Variants in EPHA8 observed in about 807,000 individuals in gnomAD.
EPHA8 encodes ephrin type-A receptor 8.
Under a neutral mutation model 103.6 loss-of-function variants are expected in EPHA8, and 58 were observed. The observed-to-expected ratio is 0.56, with a 90% CI of 0.45 to 0.70. The LOEUF (loss-of-function observed/expected upper bound fraction) is 0.70. EPHA8 is among the 30% of genes least tolerant of loss of function. The pLI, the probability that EPHA8 is intolerant of heterozygous loss-of-function variation, is 0.00. For synonymous variants in EPHA8, 559 were observed against 572.5 expected (o/e 0.98, Z 0.34); for missense variants, 1,304 against 1,395.2 (o/e 0.93, Z 1.04).
chr1:22,598,954 C>T lies in EPHA8; in HGVS notation c.2295C>T (p.Asn765=), dbSNP rs1360785330. Residue 765 remains asparagine, a synonymous_variant, in exon 13 of 17, where the codon AAC becomes AAT. Transcript: ENST00000166244. This position sits in a 1 kb window ranked among gnomAD's most constrained non-coding sequence, Gnocchi z 5.1. ...TCCACCGAGACCTGGCCGCCCGCAA[C>T]GTCCTGGTTGACAGCAACCTGGTCT... ...GYVHRDLAAR[N]VLVDSNLVCK... is the part of the protein sequence containing the mutation. 28 of 1,612,400 alleles carry T rather than the reference C, an allele frequency of 1.7e-5. No individual in the cohort carries two copies. Among genetic ancestry groups the T allele is most frequent in the South Asian group, 1.1e-4 (10 of 90,822 alleles).
intron 5 of EPHA8, among the ~76,000 whole-genome samples, chr1:22,590,116 C>T (rs1285076300): frequency 2.0e-5 from 3 of 152,180 alleles, no homozygotes; most frequent in Non-Finnish European, 2.9e-5. Context: ...TTCCCTCATT[C>T]GACAGCCCTC....
intron 4 of EPHA8, among the ~76,000 whole-genome samples, chr1:22,587,260 A>G (rs746569535): frequency 3.9e-5 from 6 of 152,240 alleles, no homozygotes; most frequent in Admixed American, 1.3e-4. Flanking sequence ...TTGAGCTCAC[A>G]TATATAAAGG....
chr1:22,575,347 G>A (rs949900697), intron 2 of EPHA8, among the ~76,000 whole-genome samples: 1 of 152,198 alleles, frequency 6.6e-6, no homozygotes, highest in Non-Finnish European at 1.5e-5. Flanking sequence ...TAGTGATGCT[G>A]AGCATCTTTT....
At chr1:22,600,637 T>C (rs772808606) in intron 13 of EPHA8, 24 bp from the exon 14 acceptor site, 2 of 1,611,048 alleles carry the variant, frequency 1.2e-6, no homozygotes, top group South Asian at 2.2e-5. Context: ...GGGCAGCCCC[T>C]CAACTCTTGT....
intron 3 of EPHA8, among the ~76,000 whole-genome samples, chr1:22,579,011 G>C (rs1336116968): frequency 6.8e-6 from 1 of 145,988 alleles, no homozygotes; most frequent in Non-Finnish European, 1.5e-5. Context: ...ATGCATGTGT[G>C]TGCATATGTG....
rs1023667839 is a variant in EPHA8, at chr1:22,576,078, C to G, written c.160-139C>G. On this transcript the variant is annotated intron_variant, in intron 2 of 16. Transcript: ENST00000166244. This position sits in a 1 kb window ranked among gnomAD's most constrained non-coding sequence, Gnocchi z 4.8. ...CTTCGAGATCATGTCTGCAGGGGGC[C>G]TGGCATCTAGTAGCCACCAGGAGGC... 1 of 927,350 alleles carries G rather than the reference C, an allele frequency of 1.1e-6. No homozygotes were observed. The highest frequency in any genetic ancestry group is 1.6e-6 in the Non-Finnish European group (1 of 606,554). The allele number at this position is 927,350 out of a possible 1,614,324, so 57.4% of individuals were successfully genotyped here.
At chr1:22,578,116 G>C (rs528786897) in intron 3 of EPHA8, among the ~76,000 whole-genome samples, 2,390 of 71,306 alleles carry the variant, frequency 0.034, 23 homozygotes, top group Middle Eastern at 0.12. Context: ...GCATGTGTGC[G>C]TGAGTGTATG....
intron 4 of EPHA8, among the ~76,000 whole-genome samples, chr1:22,588,401 C>G (rs956786798): frequency 3.3e-5 from 5 of 152,222 alleles, no homozygotes; most frequent in African/African-American, 7.2e-5. Flanking sequence ...CATGGGGATA[C>G]ACGGTGGGCT....
At chr1:22,595,667 T>A (rs1327221056) in intron 8 of EPHA8, among the ~76,000 whole-genome samples, 1 of 152,156 alleles carries the variant, frequency 6.6e-6, no homozygotes, top group East Asian at 1.9e-4. Context: ...GACAGGATAG[T>A]GTGTGGGCTT....
chr1:22,600,657 G>T lies in EPHA8; in HGVS notation c.2389-4G>T, dbSNP rs376097371. The T allele has an allele frequency of 1.2e-6, 2 of 1,612,766 alleles. No individual in the cohort carries two copies. The highest frequency in any genetic ancestry group is 1.3e-5 in the African/African-American group (1 of 74,870). On this transcript the variant is annotated splice_region_variant and splice_polypyrimidine_tract_variant and intron_variant, in intron 13 of 16. Coordinates refer to ENST00000166244, the MANE Select transcript of EPHA8 (RefSeq NM_020526.5). ...GCCCCTCAACTCTTGTGTGTCCGTCGCAGGGCGGGAAGATCCCCATCCGCT... is the reference window on the plus strand; with the variant it reads ...GCCCCTCAACTCTTGTGTGTCCGTCTCAGGGCGGGAAGATCCCCATCCGCT...
rs568111542 is a variant in EPHA8 at position 22,569,774 on chromosome 1, C to T, written c.159+421C>T. ...TGTCTCCCCAATGTGGCCAAGCTCC[C>T]GGTCCTGGCCACAGACTCTGGACTC... On this transcript the variant is annotated intron_variant, in intron 2 of 16. Coordinates refer to ENST00000166244, the MANE Select transcript of EPHA8 (RefSeq NM_020526.5). This position sits in a 1 kb window ranked among gnomAD's most constrained non-coding sequence, Gnocchi z 4.5. 3.9e-5 allele frequency among the ~76,000 whole-genome samples: 6 copies of T among 152,188 alleles called. No homozygotes were observed. The East Asian group carries it at 5.8e-4, about 15-fold the overall frequency.
chr1:22,593,202 G>A lies in EPHA8; in HGVS notation c.1316-124G>A, dbSNP rs1346351075. The A allele has an allele frequency of 7.8e-6, 11 of 1,405,392 alleles. No individual in the cohort carries two copies. In the South Asian group the frequency reaches 1.4e-4, roughly 18 times the overall value. 87.1% of individuals were successfully genotyped at this position (1,405,392 alleles called of 1,614,324 possible). On this transcript the variant is annotated intron_variant, in intron 5 of 16. Transcript: ENST00000166244. ...AGGGTGCTGGCTGTCCTGGGGCTGG[G>A]GCAGGACCATCAGGAAGCTGAGCAG...
intron 3 of EPHA8, 108 bp from the exon 4 acceptor site, chr1:22,586,372 A>G (rs537426): frequency 0.37 from 497,438 of 1,351,750 alleles, 96,578 homozygotes; most frequent in African/African-American, 0.65. Context: ...CTGCACCTCC[A>G]TCCCTCTGGG....
At position 22,601,104 on chromosome 1, in the gene EPHA8, C is replaced by T; in HGVS notation, c.2729+16C>T. 6.3e-7 allele frequency: 1 copy of T among 1,591,812 alleles called. No individual in the cohort carries two copies. Among genetic ancestry groups the T allele is most frequent in the Middle Eastern group, 1.7e-4 (1 of 5,956 alleles). ...CAGTCAGCAGGTGCCTTGTGCCCAC[C>T]CCAGCTCCTTGAGGCCCAGCTGCCT... On this transcript the variant is annotated intron_variant, in intron 15 of 16. Transcript: ENST00000166244.
At chr1:22,572,327 CGTG>C (rs2124514411) in intron 2 of EPHA8, among the ~76,000 whole-genome samples, 1 of 152,338 alleles carries the variant, frequency 6.6e-6, no homozygotes, top group East Asian at 1.9e-4. Context: ...TCATTTATAA[CGTG>C]GGGACAATCT....
At position 22,588,861 on chromosome 1, in the gene EPHA8, C is replaced by T; in HGVS notation, c.980-10C>T. 2 of 1,570,334 alleles carry T rather than the reference C, an allele frequency of 1.3e-6. No individual in the cohort carries two copies. Among genetic ancestry groups the T allele is most frequent in the Admixed American group, 1.7e-5 (1 of 58,596 alleles). ...TAACCACTGCCCCATCTGTCATCCT[C>T]TGCCCTCAGGGCCACCCTCGGCACC... On this transcript the variant is annotated splice_polypyrimidine_tract_variant and intron_variant, in intron 4 of 16. Transcript: ENST00000166244.
chr1:22,579,036 CAT>C (rs1225679596), intron 3 of EPHA8, among the ~76,000 whole-genome samples: 6 of 132,186 alleles, frequency 4.5e-5, no homozygotes. Context: ...AGTATGTATG[CAT>C]GTGTGTGCAT....
chr1:22,598,725 A>G lies in EPHA8; in HGVS notation c.2179-113A>G. ...TTCAGAAGTAGTGGCGCACTTGGCAAATTGCAAAGCACCGTCTCAACTCGA... is the reference window on the plus strand; with the variant it reads ...TTCAGAAGTAGTGGCGCACTTGGCAGATTGCAAAGCACCGTCTCAACTCGA... On this transcript the variant is annotated intron_variant, in intron 12 of 16. Coordinates refer to ENST00000166244, the MANE Select transcript of EPHA8 (RefSeq NM_020526.5). The surrounding 1 kb of genome is among the most constrained non-coding windows in gnomAD (Gnocchi z 5.1). 1 of 1,106,712 alleles carries G rather than the reference A, an allele frequency of 9.0e-7. No individual in the cohort carries two copies. The highest frequency in any genetic ancestry group is 1.3e-6 in the Non-Finnish European group (1 of 772,608). The allele number at this position is 1,106,712 out of a possible 1,614,324, so 68.6% of individuals were successfully genotyped here.
In EPHA8 at chr1:22,567,162, G is replaced by C. The variant is rs541719822; in HGVS notation, c.95-2127G>C. Among the ~76,000 whole-genome samples the C allele has an allele frequency of 1.3e-5, 2 of 152,150 alleles. No homozygotes were observed. The highest frequency in any genetic ancestry group is 2.9e-5 in the Non-Finnish European group (2 of 68,028). On this transcript the variant is annotated intron_variant, in intron 1 of 16. Transcript: ENST00000166244. The surrounding 1 kb of genome is among the most constrained non-coding windows in gnomAD (Gnocchi z 4.2). ...AGTGGACATCCACTTGAGTGGCTCC[G>C]GGATAGGGACAGGTCTGGGCTGCAT...
Sources: allele counts gnomAD v4.1 joint callset (sites outside exome capture counted in the v4.1 genomes callset), GRCh38; gene constraint gnomAD v4.1.1; non-coding constraint Gnocchi (gnomAD v3.1); transcripts MANE v1.5; gene names NCBI Gene and HGNC (gene_info 2026-07-23, HGNC 2026-07-21).